Variants in SUCLG1 observed in about 807,000 individuals in gnomAD.
The protein encoded by SUCLG1 is succinate--CoA ligase [ADP/GDP-forming] subunit alpha, mitochondrial.
Under a neutral mutation model 37.3 loss-of-function variants are expected in SUCLG1, and 26 were observed. The observed-to-expected ratio is 0.70, with a 90% CI of 0.51 to 0.97. The LOEUF (loss-of-function observed/expected upper bound fraction) is 0.97. Ranked by LOEUF, SUCLG1 falls within the 50% of genes least tolerant of loss-of-function variation. The pLI is 0.00. For missense variants in SUCLG1, 433 were observed against 432.9 expected, an observed-to-expected ratio of 1.00 and a Z score of 0.00; for synonymous variants, 163 against 155.6, an observed-to-expected ratio of 1.05 and a Z score of -0.36.
intron 7 of SUCLG1, 64 bp downstream of exon 7, chr2:84,431,444 A>T (rs949817531): frequency 3.1e-6 from 5 of 1,595,264 alleles, no homozygotes; most frequent in Non-Finnish European, 3.4e-6. Context: ...AAATAAAAAT[A>T]ACTTCTGAAA....
chr2:84,437,881 TA>T (rs1405623643), intron 5 of SUCLG1, among the ~76,000 whole-genome samples: 1 of 152,130 alleles, frequency 6.6e-6, no homozygotes, highest in East Asian at 1.9e-4. Flanking sequence ...TCCTCAGTAA[TA>T]AAAAGAAACA....
At chr2:84,425,341 T>G (rs1672515665) in intron 8 of SUCLG1, 74 bp downstream of exon 8, 1 of 1,575,342 alleles carries the variant, frequency 6.3e-7, no homozygotes, top group Non-Finnish European at 8.7e-7. Flanking sequence ...GGCCATGATT[T>G]CCAGGTATCC....
rs1387019183 is a variant in SUCLG1 at position 84,459,245 on chromosome 2, C to A, written c.25G>T (p.Ala9Ser). 6.4e-7 allele frequency: 1 copy of A among 1,550,678 alleles called. No individual in the cohort carries two copies. Among genetic ancestry groups the A allele is most frequent in the Admixed American group, 2.0e-5 (1 of 50,992 alleles). ...CCGGAGACCATGGTAGCGATGTCAG[C>A]GGCAGCGGCAAGGGTTGCGGTCATA... is the stretch of plus-strand genomic sequence containing the variant. The part of the protein sequence containing the change: MTATLAAA[A>S]DIATMVSGSS... The change falls in exon 1 of 9, where the codon GCT (alanine) becomes TCT (serine). Residue 9 changes from alanine (A) to serine (S), a missense_variant. By Grantham distance (99) the Ala-to-Ser change is moderately conservative. Transcript: ENST00000393868.
chr2:84,428,882 C>T (rs1465887668), intron 7 of SUCLG1, among the ~76,000 whole-genome samples: 2 of 152,188 alleles, frequency 1.3e-5, no homozygotes, highest in Non-Finnish European at 2.9e-5. Context: ...ATGGAGAAGT[C>T]AGACAAACCT....
intron 3 of SUCLG1, 178 bp downstream of exon 3, chr2:84,443,106 C>A: frequency 1.5e-6 from 1 of 675,362 alleles, no homozygotes; most frequent in South Asian, 1.6e-5. Flanking sequence ...ATAGCTGATT[C>A]ATACCTAGAA....
chr2:84,448,193 AAAAAC>A (rs1390301116), intron 2 of SUCLG1, among the ~76,000 whole-genome samples: 28 of 151,910 alleles, frequency 1.8e-4, no homozygotes, highest in African/African-American at 6.7e-4. Context: ...ACAAAAAACA[AAAAAC>A]AAAAAGCAAA....
At chr2:84,425,811 A>G (rs1672528914) in intron 7 of SUCLG1, 2 of 608,512 alleles carry the variant, frequency 3.3e-6, no homozygotes, top group Non-Finnish European at 5.8e-6. Context: ...TCAGGAATAC[A>G]ACACTGTGCC....
Position 84,431,583 on chromosome 2 carries a change from T to C in SUCLG1, c.750A>G (p.Glu250=). ...CAATTTCACCAATCAATATGATGCC[T>C]TCTGTGGCAGAATCGTTCAAAAAGA... ...LEIFLNDSAT[E]GIILIGEIGG... is the part of the protein sequence containing the mutation. The change falls in exon 7 of 9, where the codon GAA becomes GAG. Residue 250 remains glutamate (E), a synonymous_variant. Coordinates refer to ENST00000393868, the MANE Select transcript of SUCLG1 (RefSeq NM_003849.4). The C allele has an allele frequency of 6.2e-7, 1 of 1,614,068 alleles. No homozygotes were observed. The highest frequency in any genetic ancestry group is 8.5e-7 in the Non-Finnish European group (1 of 1,179,944).
At chr2:84,459,111 G>A (rs1032641085) in intron 1 of SUCLG1, 62 bp downstream of exon 1, 15 of 1,495,006 alleles carry the variant, frequency 1.0e-5, no homozygotes, top group Non-Finnish European at 1.3e-5. Flanking sequence ...TGGGCCAGGA[G>A]GTTGGGTCCG....
chr2:84,428,395 A>C (rs1672567287), intron 7 of SUCLG1, among the ~76,000 whole-genome samples: 1 of 152,220 alleles, frequency 6.6e-6, no homozygotes, highest in South Asian at 2.1e-4. Flanking sequence ...ATTTTCACTA[A>C]CTTCGGTATG....
chr2:84,442,194 T>G (rs1672784112), intron 3 of SUCLG1, among the ~76,000 whole-genome samples: 1 of 146,578 alleles, frequency 6.8e-6, no homozygotes, highest in Admixed American at 6.8e-5. Flanking sequence ...AAAAAGAGGC[T>G]CATGACAAAA....
chr2:84,425,339 T>A, intron 8 of SUCLG1, 76 bp downstream of exon 8: 2 of 1,573,796 alleles, frequency 1.3e-6, no homozygotes, highest in Admixed American at 1.7e-5. Context: ...AAGGCCATGA[T>A]TTCCAGGTAT....
chr2:84,426,379 A>G (rs1672535959), intron 7 of SUCLG1: 1 of 152,110 alleles, frequency 6.6e-6, no homozygotes, highest in Non-Finnish European at 1.5e-5. Context: ...CCATTAAGAG[A>G]TACCATAGGC....
intron 2 of SUCLG1, among the ~76,000 whole-genome samples, chr2:84,445,380 T>C (rs1239221454): frequency 6.6e-6 from 1 of 152,096 alleles, no homozygotes; most frequent in Non-Finnish European, 1.5e-5. Flanking sequence ...ATCATGGCAA[T>C]ACATATCATC....
chr2:84,442,747 T>C (rs1672794114), intron 3 of SUCLG1, among the ~76,000 whole-genome samples: 1 of 152,242 alleles, frequency 6.6e-6, no homozygotes, highest in African/African-American at 2.4e-5. Flanking sequence ...TTTGTAAATC[T>C]GACTCTACAA....
chr2:84,437,085 G>A (rs930440500), intron 5 of SUCLG1, among the ~76,000 whole-genome samples: 3 of 152,090 alleles, frequency 2.0e-5, no homozygotes, highest in Non-Finnish European at 4.4e-5. Flanking sequence ...TATTCTCAGT[G>A]CCTTTGTCCC....
chr2:84,441,870 A>C (rs1434971197), intron 3 of SUCLG1, among the ~76,000 whole-genome samples: 2 of 152,184 alleles, frequency 1.3e-5, no homozygotes, highest in Non-Finnish European at 2.9e-5. Flanking sequence ...GAATCAAAAA[A>C]AGTCACATCA....
At chr2:84,436,066 A>G (rs1301740682) in intron 5 of SUCLG1, among the ~76,000 whole-genome samples, 1 of 152,232 alleles carries the variant, frequency 6.6e-6, no homozygotes, top group Admixed American at 6.5e-5. Flanking sequence ...CGGTAACAAG[A>G]GGGCTCATTT....
chr2:84,424,112 T>G (rs1331619748), intron 8 of SUCLG1, among the ~76,000 whole-genome samples: 2 of 152,256 alleles, frequency 1.3e-5, no homozygotes, highest in Non-Finnish European at 2.9e-5. Context: ...ATTATGCTTC[T>G]GTAGTGCTAT....
Sources: gnomAD v4.1 joint callset for allele counts (sites outside exome capture counted in the v4.1 genomes callset) on GRCh38, gnomAD v4.1.1 for gene constraint, MANE v1.5 for transcripts, NCBI Gene and HGNC (gene_info 2026-07-23, HGNC 2026-07-21) for gene names.